The following IPO11 variants were observed in gnomAD, a reference collection of about 807,000 sequenced individuals.
IPO11 encodes the protein importin 11.
In IPO11, 66 loss-of-function variants were observed where a neutral mutation model predicts 143.2. The ratio of observed to expected loss-of-function variants is 0.46; its 90% CI spans 0.38 to 0.57. The LOEUF (loss-of-function observed/expected upper bound fraction) is 0.57, where lower values mean the gene tolerates loss of function less well. Ranked by LOEUF, IPO11 falls within the 20% of genes least tolerant of loss-of-function variation. The pLI, the probability that IPO11 is intolerant of heterozygous loss-of-function variation, is 0.00. For synonymous variants in IPO11, 385 were observed against 377.8 expected, an observed-to-expected ratio of 1.02 and a Z score of -0.22; for missense variants, 1,026 against 1,141.0, an observed-to-expected ratio of 0.90 and a Z score of 1.45.
At chr5:62,617,627 T>C (rs924615659) in intron 29 of IPO11, among the ~76,000 whole-genome samples, 3 of 152,112 alleles carry the variant, frequency 2.0e-5, no homozygotes, top group Non-Finnish European at 4.4e-5. Flanking sequence ...TATTATTTAA[T>C]TTAGTTATAT....
intron 26 of IPO11, among the ~76,000 whole-genome samples, chr5:62,556,285 A>G (rs1468343673): frequency 2.6e-5 from 4 of 152,180 alleles, no homozygotes; most frequent in Admixed American, 2.6e-4. Context: ...AGATTGCACC[A>G]CTGCTCTCCA....
At chr5:62,457,790 A>G (rs113651141) in intron 5 of IPO11, among the ~76,000 whole-genome samples, 50 of 152,302 alleles carry the variant, frequency 3.3e-4, no homozygotes, top group African/African-American at 1.2e-3. Context: ...GAGAATGCCA[A>G]GGCGCCACTT....
intron 20 of IPO11, among the ~76,000 whole-genome samples, chr5:62,518,451 A>T (rs1313578264): frequency 6.6e-6 from 1 of 151,692 alleles, no homozygotes; most frequent in Non-Finnish European, 1.5e-5. Flanking sequence ...CTCAAAAAAA[A>T]AAAAGCCCAA....
chr5:62,503,317 T>C (rs1194424548), intron 16 of IPO11, among the ~76,000 whole-genome samples: 1 of 145,800 alleles, frequency 6.9e-6, no homozygotes, highest in African/African-American at 2.5e-5. Context: ...TATTAATATA[T>C]TAATAGTATC....
At chr5:62,489,724 G>T (rs1746535850) in intron 14 of IPO11, among the ~76,000 whole-genome samples, 3 of 152,160 alleles carry the variant, frequency 2.0e-5, no homozygotes, top group Admixed American at 2.0e-4. Context: ...AGGAAGCACA[G>T]TTAGAATTTG....
Position 62,627,323 on chromosome 5 carries a change from A to G in IPO11, c.*5A>G, listed in dbSNP as rs774586321. On this transcript the variant is annotated 3_prime_UTR_variant, in exon 30 of 30. Transcript: ENST00000325324. ...GAGTTTTTGCAAGGATTCTAAGAGC[A>G]CATGACATGTGGCTGCCTCCCCTTT... 2.5e-6 allele frequency: 4 copies of G among 1,607,062 alleles called. No homozygotes were observed. The highest frequency in any genetic ancestry group is 1.7e-5 in the Admixed American group (1 of 59,790).
At chr5:62,528,160 A>G (rs2112308892) in intron 21 of IPO11, among the ~76,000 whole-genome samples, 1 of 152,352 alleles carries the variant, frequency 6.6e-6, no homozygotes, top group East Asian at 1.9e-4. Flanking sequence ...GGAGCCATCT[A>G]CAAAGACAGA....
chr5:62,482,680 A>G (rs1746256103), intron 9 of IPO11, among the ~76,000 whole-genome samples: 1 of 152,208 alleles, frequency 6.6e-6, no homozygotes, highest in African/African-American at 2.4e-5. Flanking sequence ...AAATTCTTCT[A>G]TAAAGAAGAC....
chr5:62,619,151 C>T (rs781570549), intron 29 of IPO11, among the ~76,000 whole-genome samples: 7 of 152,176 alleles, frequency 4.6e-5, no homozygotes, highest in Non-Finnish European at 1.0e-4. Flanking sequence ...CTTGCCTGAA[C>T]CCAGGAGGCG....
intron 19 of IPO11, among the ~76,000 whole-genome samples, chr5:62,513,763 C>A (rs1741885904): frequency 1.3e-5 from 2 of 151,262 alleles, no homozygotes; most frequent in African/African-American, 2.4e-5. Context: ...GACGGGGTGG[C>A]TGCCAGGCGG....
chr5:62,507,602 C>T (rs1025360822), intron 19 of IPO11, among the ~76,000 whole-genome samples: 1 of 152,108 alleles, frequency 6.6e-6, no homozygotes, highest in South Asian at 2.1e-4. Flanking sequence ...CAAAATGCTT[C>T]AGGGTACTAT....
chr5:62,556,738 C>A (rs535265880), intron 26 of IPO11, among the ~76,000 whole-genome samples: 1 of 152,176 alleles, frequency 6.6e-6, no homozygotes, highest in African/African-American at 2.4e-5. Flanking sequence ...AATGAAGTTT[C>A]AGTGATTTGG....
In IPO11 at chr5:62,437,168, A is replaced by G. The variant is rs1744274070; in HGVS notation, c.-6-106A>G. ...AAGGCAGAACATGAAGGATTAGATG[A>G]ATGGGAGTAATTCAGAACATGAAAG... On this transcript the variant is annotated intron_variant, in intron 1 of 29. Coordinates refer to ENST00000325324, the MANE Select transcript of IPO11 (RefSeq NM_016338.5). The G allele has an allele frequency of 3.9e-6, 3 of 766,974 alleles. No homozygotes were observed. In the East Asian group the frequency reaches 8.7e-5, roughly 22 times the overall value. The allele number at this position is 766,974 out of a possible 1,614,324, so 47.5% of individuals were successfully genotyped here.
chr5:62,607,356 G>GGT (rs949273364), intron 29 of IPO11, among the ~76,000 whole-genome samples: 25 of 152,084 alleles, frequency 1.6e-4, no homozygotes, highest in South Asian at 4.2e-4. Flanking sequence ...GGCACCCTGT[G>GGT]GTAGTGGCTT....
chr5:62,516,055 G>C (rs1252504526), intron 20 of IPO11, among the ~76,000 whole-genome samples: 1 of 152,140 alleles, frequency 6.6e-6, no homozygotes, highest in African/African-American at 2.4e-5. Flanking sequence ...GTGAGAGTAT[G>C]GTTAGGGAAG....
chr5:62,558,813 A>C (rs1486396882), intron 26 of IPO11, among the ~76,000 whole-genome samples: 1 of 152,158 alleles, frequency 6.6e-6, no homozygotes, highest in African/African-American at 2.4e-5. Context: ...ATTACATTGT[A>C]GATTTGTTTC....
chr5:62,473,346 G>A (rs1197953089), intron 7 of IPO11, among the ~76,000 whole-genome samples: 3 of 152,088 alleles, frequency 2.0e-5, no homozygotes, highest in Admixed American at 6.5e-5. Context: ...TTTTCTGCTT[G>A]AAATGACAGA....
intron 1 of IPO11, among the ~76,000 whole-genome samples, chr5:62,421,884 G>T (rs1743526924): frequency 6.6e-6 from 1 of 152,192 alleles, no homozygotes; most frequent in South Asian, 2.1e-4. Context: ...ATTCTTATAA[G>T]ATACAGCTTT....
chr5:62,459,112 C>G (rs1444951930), intron 5 of IPO11, among the ~76,000 whole-genome samples: 1 of 151,554 alleles, frequency 6.6e-6, no homozygotes, highest in African/African-American at 2.4e-5. Flanking sequence ...TTTTGTTCCT[C>G]CTCCTTACTG....
Sources: gnomAD v4.1 joint callset for allele counts (sites outside exome capture counted in the v4.1 genomes callset) on GRCh38, gnomAD v4.1.1 for gene constraint, MANE v1.5 for transcripts, NCBI Gene and HGNC (gene_info 2026-07-23, HGNC 2026-07-21) for gene names.